MED12L: variants seen among roughly 807,000 people sequenced by gnomAD.
The protein encoded by MED12L is mediator of RNA polymerase II transcription subunit 12-like protein.
Under a neutral mutation model 281.3 loss-of-function variants are expected in MED12L, and 60 were observed. The ratio of observed to expected loss-of-function variants is 0.21; its 90% CI spans 0.17 to 0.26. The LOEUF is 0.26. Among genes scored for constraint, MED12L ranks in the 10% least tolerant of loss-of-function variants. The pLI, the probability that MED12L is intolerant of heterozygous loss-of-function variation, is 1.00. For missense variants in MED12L, 2,146 were observed against 2,680.9 expected (o/e 0.80, Z 4.41); for synonymous variants, 974 against 987.2 (o/e 0.99, Z 0.25).
At chr3:151,152,999 A>G (rs556298481) in intron 5 of MED12L, among the ~76,000 whole-genome samples, 2 of 152,332 alleles carry the variant, frequency 1.3e-5, no homozygotes, top group African/African-American at 4.8e-5. Context: ...AGCTGCTTGT[A>G]TGTAATGTGA....
rs775628720 is a variant in MED12L, at chr3:151,434,860, T to TAATC, written c.*2058_*2061dup. On this transcript the variant is annotated 3_prime_UTR_variant, in exon 45 of 45. Coordinates refer to ENST00000687756, the MANE Select transcript of MED12L (RefSeq NM_001393769.1). ...ACTTTGCAGAGGTGAGTTAAATTAT[T>TAATC]AATCATTTTGCACATGAAAGCTGTG... The TAATC allele has an allele frequency of 7.2e-5, 11 of 152,370 alleles. No homozygotes were observed. Among genetic ancestry groups the TAATC allele is most frequent in the East Asian group, 5.8e-4 (3 of 5,194 alleles). The allele number at this position is 152,370 out of a possible 1,614,324, so 9.4% of individuals were successfully genotyped here. A position where few individuals can be genotyped will look rare whatever the true frequency, so the allele number is the denominator to read the frequency against.
chr3:151,413,100 A>T (rs1251843634), intron 41 of MED12L, 39 bp from the exon 42 acceptor site: 1 of 1,587,166 alleles, frequency 6.3e-7, no homozygotes, highest in Admixed American at 1.7e-5. Flanking sequence ...GTTTGACATT[A>T]TGCTTGGGCC....
rs1332666246 is a variant in MED12L at position 151,435,659 on chromosome 3, TG to T, written c.*2857del. 1 of 152,116 alleles carries T rather than the reference TG, an allele frequency of 6.6e-6. No homozygotes were observed. Among genetic ancestry groups the T allele is most frequent in the Non-Finnish European group, 1.5e-5 (1 of 68,034 alleles). 9.4% of individuals were successfully genotyped at this position (152,116 alleles called of 1,614,324 possible). On this transcript the variant is annotated 3_prime_UTR_variant, in exon 45 of 45. Transcript: ENST00000687756. ...ACTAGGTGAATGTTTGAATAGATGCTGGAGAAATTACACTGGAAAACCCCAC... is the reference window on the plus strand; with the variant it reads ...ACTAGGTGAATGTTTGAATAGATGCTGAGAAATTACACTGGAAAACCCCAC...
In MED12L at chr3:151,246,358, T is replaced by G. The variant is rs566615356; in HGVS notation, c.2250+52692T>G. On this transcript the variant is annotated intron_variant, in intron 16 of 44. Transcript: ENST00000687756. ...ACAAAGCTGGAGGCATCACGCTACC[T>G]GACTTCAAACTATACTACAAGGCTA... Among the ~76,000 whole-genome samples, 306 of 152,168 alleles carry G rather than the reference T, an allele frequency of 2.0e-3. 2 individuals are homozygous for G. The highest frequency in any genetic ancestry group is 4.9e-3 in the Admixed American group (75 of 15,290).
chr3:151,248,980 G>A (rs535655740), intron 16 of MED12L: 1 of 152,334 alleles, frequency 6.6e-6, no homozygotes, highest in Non-Finnish European at 1.5e-5. Context: ...GTGTTGACCA[G>A]TGGGAAACAC....
At chr3:151,316,256 G>T (rs1748218659) in intron 16 of MED12L, among the ~76,000 whole-genome samples, 1 of 151,974 alleles carries the variant, frequency 6.6e-6, no homozygotes, top group Admixed American at 6.6e-5. Context: ...TTAAGTTTTG[G>T]GTCCTGGGAA....
At chr3:151,314,204 G>A (rs57810483) in intron 16 of MED12L, among the ~76,000 whole-genome samples, 7,291 of 152,162 alleles carry the variant, frequency 0.048, 584 homozygotes, top group African/African-American at 0.17. Context: ...CAGTGCTCTC[G>A]CTTAAATGTA....
At chr3:151,268,826 C>A (rs1251533329) in intron 16 of MED12L, among the ~76,000 whole-genome samples, 1 of 152,184 alleles carries the variant, frequency 6.6e-6, no homozygotes, top group Non-Finnish European at 1.5e-5. Flanking sequence ...AAAGGTAAAA[C>A]TAAGACCACA....
At position 151,411,376 on chromosome 3, in the gene MED12L, C is replaced by T. The variant is rs34145831; in HGVS notation, c.6009C>T (p.Asn2003=). Residue 2003 remains asparagine, a synonymous_variant, in exon 41 of 45, where the codon AAC becomes AAT. Coordinates refer to ENST00000687756, the MANE Select transcript of MED12L (RefSeq NM_001393769.1). Reference sequence around the variant, plus strand: ...GTGTGGTCCTGTCTCCCAGCTATAACTCCAGAGCCTATCCGGCCGCACATT... The same window carrying T: ...GTGTGGTCCTGTCTCCCAGCTATAATTCCAGAGCCTATCCGGCCGCACATT... ...AGSVVLSPSY[N]SRAYPAAHSN... 1.3e-3 allele frequency: 2,078 copies of T among 1,614,182 alleles called. 22 individuals carry two copies. In the African/African-American group the frequency reaches 0.025, roughly 19 times the overall value.
In MED12L at chr3:151,394,777, A is replaced by G. The variant is rs201933363; in HGVS notation, c.5730A>G (p.Thr1910=). The G allele has an allele frequency of 2.4e-5, 38 of 1,614,240 alleles. No individual in the cohort carries two copies. The highest frequency in any genetic ancestry group is 3.1e-5 in the Non-Finnish European group (37 of 1,180,034). Residue 1910 remains threonine, a synonymous_variant, in exon 39 of 45, where the codon ACA becomes ACG. Transcript: ENST00000687756. ...AGCCGCCTTCTCTTCATGCAATCACATCGCAGCAGCAGTTGATACAGATGA... is the reference window on the plus strand; with the variant it reads ...AGCCGCCTTCTCTTCATGCAATCACGTCGCAGCAGCAGTTGATACAGATGA... ...MMQPPSLHAI[T]SQQQLIQMKL... is the part of the protein sequence containing the mutation.
rs752356426 is a variant in MED12L, at chr3:151,433,749, C to T, written c.*945C>T. 1 of 152,598 alleles carries T rather than the reference C, an allele frequency of 6.6e-6. No individual in the cohort carries two copies. The highest frequency in any genetic ancestry group is 1.5e-5 in the Non-Finnish European group (1 of 68,038). The allele number at this position is 152,598 out of a possible 1,614,324, so 9.5% of individuals were successfully genotyped here. ...TTCCAGAGAATCTGGCCCCAAAGTC[C>T]AGAAGGCTCTGGTTTTCATAAAAGG... On this transcript the variant is annotated 3_prime_UTR_variant, in exon 45 of 45. Transcript: ENST00000687756.
chr3:151,320,913 A>G (rs755008366), intron 16 of MED12L, among the ~76,000 whole-genome samples: 2 of 152,206 alleles, frequency 1.3e-5, no homozygotes, highest in Non-Finnish European at 2.9e-5. Flanking sequence ...TCTGAAAATG[A>G]GCATGGCAAT....
intron 16 of MED12L, among the ~76,000 whole-genome samples, chr3:151,298,399 G>C (rs1020379721): frequency 1.3e-5 from 2 of 152,188 alleles, no homozygotes; most frequent in African/African-American, 4.8e-5. Flanking sequence ...CAGTGTAAAG[G>C]CTGTTTTCTC....
intron 16 of MED12L, chr3:151,199,437 ACT>A (rs1185229544): frequency 4.0e-6 from 6 of 1,493,294 alleles, no homozygotes; most frequent in African/African-American, 1.4e-5. Flanking sequence ...AATTTCTAAG[ACT>A]CTGTAAAAGA....
intron 16 of MED12L, chr3:151,336,797 T>C: frequency 3.8e-6 from 1 of 262,262 alleles, no homozygotes; most frequent in Non-Finnish European, 7.6e-6. Flanking sequence ...TATGGTATGG[T>C]GAGTCATGGT....
chr3:151,383,442 CT>C (rs1283527427), intron 33 of MED12L, among the ~76,000 whole-genome samples: 8 of 152,208 alleles, frequency 5.3e-5, no homozygotes, highest in African/African-American at 1.9e-4. Context: ...GATTACATGA[CT>C]TTGACATTAT....
At chr3:151,324,620 A>T (rs1256549069) in intron 16 of MED12L, among the ~76,000 whole-genome samples, 6 of 152,182 alleles carry the variant, frequency 3.9e-5, no homozygotes, top group Admixed American at 3.9e-4. Flanking sequence ...CAACTTCTTG[A>T]TCTCTAAAAT....
intron 16 of MED12L, chr3:151,336,652 G>A: frequency 2.4e-6 from 1 of 413,874 alleles, no homozygotes. Context: ...TAGACTGCAT[G>A]TTATAAGTCT....
intron 14 of MED12L, 31 bp from the exon 15 acceptor site, chr3:151,192,519 A>G (rs927071562): frequency 6.9e-6 from 10 of 1,440,180 alleles, no homozygotes; most frequent in Non-Finnish European, 7.6e-6. Flanking sequence ...CAAAACTTAC[A>G]ATGTTACTTT....
Sources: allele counts gnomAD v4.1 joint callset (sites outside exome capture counted in the v4.1 genomes callset), GRCh38; gene constraint gnomAD v4.1.1; transcripts MANE v1.5; gene names NCBI Gene and HGNC (gene_info 2026-07-23, HGNC 2026-07-21).